JMJD6: variants seen among roughly 807,000 people sequenced by gnomAD.
The protein encoded by JMJD6 is jumonji domain containing 6, arginine demethylase and lysine hydroxylase.
In JMJD6, 17 loss-of-function variants were observed where a neutral mutation model predicts 45.8. The observed-to-expected ratio is 0.37, with a 90% CI of 0.25 to 0.56. The LOEUF is 0.56. Among genes scored for constraint, JMJD6 ranks in the 20% least tolerant of loss-of-function variants. The pLI, the probability that JMJD6 is intolerant of heterozygous loss-of-function variation, is 0.79. For synonymous variants in JMJD6, 221 were observed against 196.3 expected (o/e 1.13, Z -1.05); for missense variants, 470 against 517.5 (o/e 0.91, Z 0.89).
downstream of JMJD6, among the ~76,000 whole-genome samples, chr17:76,718,271 C>T (rs371508802): frequency 6.6e-6 from 1 of 151,514 alleles, no homozygotes; most frequent in Non-Finnish European, 1.5e-5. Flanking sequence ...CAAGAGGCCA[C>T]GCCTCAGGTT....
chr17:76,725,363 A>C lies in JMJD6; in HGVS notation c.518+104T>G. ...GGAGGTTGCTGTGAGCCGAGATCGC[A>C]CCACGGCACTGCAGCCTGGGCTACA... On this transcript the variant is annotated intron_variant, in intron 2 of 5. Transcript: ENST00000397625. 1.8e-6 allele frequency: 2 copies of C among 1,123,136 alleles called. 1 individual carries two copies. Among genetic ancestry groups the C allele is most frequent in the South Asian group, 3.4e-5 (2 of 58,890 alleles). The allele number at this position is 1,123,136 out of a possible 1,614,324, so 69.6% of individuals were successfully genotyped here. A position where few individuals can be genotyped will look rare whatever the true frequency, so the allele number is the denominator to read the frequency against.
chr17:76,725,295 T>TATTACATGCCTGTAA (rs1417820268), intron 2 of JMJD6, among the ~76,000 whole-genome samples, 172 bp downstream of exon 2: 3 of 149,830 alleles, frequency 2.0e-5, no homozygotes, highest in Non-Finnish European at 4.4e-5. Flanking sequence ...GTAATCCCAG[T>TATTACATGCCTGTAA]TACAGGAGGC....
At chr17:76,713,633 G>A (rs1477745834), downstream of JMJD6, 6 of 152,124 alleles carry the variant, frequency 3.9e-5, no homozygotes, top group African/African-American at 9.7e-5. Flanking sequence ...ATCCTTATAC[G>A]CCTTCCTCCT....
Position 76,725,659 on chromosome 17 carries a change from G to C in JMJD6, c.326C>G (p.Ser109Ter). The C allele has an allele frequency of 1.2e-6, 2 of 1,614,030 alleles. No homozygotes were observed. The highest frequency in any genetic ancestry group is 1.7e-6 in the Non-Finnish European group (2 of 1,180,008). ...FKCGEDNDGYSVKMKMKYYIE... is the reference protein window; with the variant it reads ...FKCGEDNDGY ...GTAGTATTTCATCTTCATCTTCACT[G>C]AGTAGCCATCGTTATCCTCACCACA... The change falls in exon 2 of 6, where the codon TCA (serine) becomes TGA (stop). Residue 109 changes from serine (S) to a stop codon, truncating the protein, a stop_gained. Transcript: ENST00000397625. LOFTEE classifies it high-confidence loss of function.
Position 76,725,423 on chromosome 17 carries a change from A to AAG in JMJD6, c.518+43_518+44insCT, listed in dbSNP as rs1568002151. ...CTCTGTCTCAAAAAAAAAAAAAAAA[A>AAG]AAAAAGAAAAGGATTTTAACCACTT... On this transcript the variant is annotated intron_variant, in intron 2 of 5. Transcript: ENST00000397625. The AAG allele has an allele frequency of 2.0e-6, 3 of 1,504,038 alleles. No individual in the cohort carries two copies. The South Asian group carries it at 4.1e-5, about 20-fold the overall frequency. The allele number at this position is 1,504,038 out of a possible 1,614,324, so 93.2% of individuals were successfully genotyped here. A position where few individuals can be genotyped will look rare whatever the true frequency, so the allele number is the denominator to read the frequency against.
chr17:76,720,596 G>C, intron 4 of JMJD6, 98 bp from the exon 5 acceptor site: 1 of 1,198,778 alleles, frequency 8.3e-7, no homozygotes, highest in Non-Finnish European at 1.2e-6. Context: ...GAAACACCTG[G>C]GAATGCCAGG....
chr17:76,725,444 C>T (rs751892328), intron 2 of JMJD6, 23 bp downstream of exon 2: 9 of 1,484,228 alleles, frequency 6.1e-6, no homozygotes, highest in Non-Finnish European at 8.2e-6. Flanking sequence ...GGATTTTAAC[C>T]ACTTAGCTGC....
At position 76,723,815 on chromosome 17, in the gene JMJD6, G is replaced by A; in HGVS notation, c.762C>T (p.Pro254=). ...QLPTWPPEFK[P]LEILQKPGET... is the part of the protein sequence containing the mutation. ...CTCCTGGTTTTTGTAAGATTTCCAG[G>A]GGTTTGAATTCAGGTGGCCAGGTTG... The change falls in exon 3 of 6, where the codon CCC becomes CCT. Residue 254 remains proline (P), a synonymous_variant. Transcript: ENST00000397625. The A allele has an allele frequency of 6.2e-7, 1 of 1,614,138 alleles. No individual in the cohort carries two copies. Among genetic ancestry groups the A allele is most frequent in the East Asian group, 2.2e-5 (1 of 44,882 alleles).
downstream of JMJD6, among the ~76,000 whole-genome samples, chr17:76,717,072 A>C (rs1367113783): frequency 6.6e-6 from 1 of 152,168 alleles, no homozygotes; most frequent in Non-Finnish European, 1.5e-5. Flanking sequence ...AGGCCACGCG[A>C]TAGGAGGGCT....
chr17:76,713,550 TA>T (rs1248941598), downstream of JMJD6: 1 of 152,166 alleles, frequency 6.6e-6, no homozygotes, highest in Non-Finnish European at 1.5e-5. Context: ...CTACCAGCAA[TA>T]CCAGTACACA....
Position 76,718,459 on chromosome 17 carries a change from G to A in JMJD6, c.*270C>T. On this transcript the variant is annotated 3_prime_UTR_variant, in exon 6 of 6. Transcript: ENST00000397625. ...GGAAAACATTTCCAAGATAGAAAAT[G>A]GATTCAATTTTTATTAAATAATGTA... is the stretch of plus-strand genomic sequence containing the variant. 1.7e-5 allele frequency: 22 copies of A among 1,316,044 alleles called. No individual in the cohort carries two copies. The highest frequency in any genetic ancestry group is 2.1e-5 in the Non-Finnish European group (22 of 1,037,272). The allele number at this position is 1,316,044 out of a possible 1,614,324, so 81.5% of individuals were successfully genotyped here.
Position 76,718,570 on chromosome 17 carries a change from T to C in JMJD6, c.*159A>G. On this transcript the variant is annotated 3_prime_UTR_variant, in exon 6 of 6. Coordinates refer to ENST00000397625, the MANE Select transcript of JMJD6 (RefSeq NM_015167.3). ...GCATTGGTAGCAGAGGGAAAGCTAC[T>C]GGAGCAAACGCTAAGTGAATGGGTT... The C allele has an allele frequency of 7.1e-7, 1 of 1,410,186 alleles. No individual in the cohort carries two copies. Among genetic ancestry groups the C allele is most frequent in the Non-Finnish European group, 9.2e-7 (1 of 1,085,310 alleles). The allele number at this position is 1,410,186 out of a possible 1,614,324, so 87.4% of individuals were successfully genotyped here.
rs549165542 is a variant in JMJD6, at chr17:76,723,676, C to T, written c.805+96G>A. On this transcript the variant is annotated intron_variant, in intron 3 of 5. Transcript: ENST00000397625. The stretch of plus-strand genomic sequence containing the variant: ...AAGGATGGTCTCGATCTCCTGACCT[C>T]GTGATCTGCCCGCCTCAGCCTCCCA... The T allele has an allele frequency of 1.5e-3, 1,726 of 1,155,976 alleles. 10 individuals carry two copies. In the South Asian group the frequency reaches 0.015, roughly 10 times the overall value. 71.6% of individuals were successfully genotyped at this position (1,155,976 alleles called of 1,614,324 possible).
intron 4 of JMJD6, chr17:76,721,453 GA>G (rs1195700973): frequency 9.9e-6 from 3 of 301,822 alleles, no homozygotes; most frequent in Non-Finnish European, 1.3e-5. Flanking sequence ...TTCTAGGTAA[GA>G]AAAAGAAACA....
intron 2 of JMJD6, among the ~76,000 whole-genome samples, chr17:76,724,365 C>T (rs1298578689): frequency 6.6e-6 from 1 of 151,922 alleles, no homozygotes; most frequent in African/African-American, 2.4e-5. Context: ...CAAGTGATCA[C>T]CTGCCTCGGC....
At chr17:76,714,450 G>C (rs1274173173), downstream of JMJD6, 2 of 152,222 alleles carry the variant, frequency 1.3e-5, no homozygotes, top group African/African-American at 2.4e-5. Context: ...GTTAACTTCT[G>C]AACAAGTGGT....
At chr17:76,725,421 A>AAAG (rs1568002113) in intron 2 of JMJD6, 46 bp downstream of exon 2, 1 of 1,493,072 alleles carries the variant, frequency 6.7e-7, no homozygotes, top group Non-Finnish European at 8.9e-7. Flanking sequence ...AAAAAAAAAA[A>AAAG]AAAAAAAGAA....
chr17:76,721,126 A>G, intron 4 of JMJD6: 1 of 210,678 alleles, frequency 4.7e-6, no homozygotes, highest in South Asian at 6.1e-5. Context: ...TGACCAAATC[A>G]CAGCACGCAG....
chr17:76,716,847 C>T, downstream of JMJD6: 1 of 849,682 alleles, frequency 1.2e-6, no homozygotes, highest in Non-Finnish European at 1.9e-6. Flanking sequence ...GGGCTTTCTC[C>T]AGAGTTTTCT....
Sources: gnomAD v4.1 joint callset for allele counts (sites outside exome capture counted in the v4.1 genomes callset) on GRCh38, gnomAD v4.1.1 for gene constraint, MANE v1.5 for transcripts, NCBI Gene and HGNC (gene_info 2026-07-23, HGNC 2026-07-21) for gene names.